The following TERF1 variants were observed in gnomAD, a reference collection of about 807,000 sequenced individuals.
TERF1 encodes telomeric repeat binding factor 1.
In TERF1, 20 loss-of-function variants were observed where a neutral mutation model predicts 55.1. The observed-to-expected ratio is 0.36, with a 90% CI of 0.26 to 0.53. The LOEUF (loss-of-function observed/expected upper bound fraction) is 0.53, where lower values mean the gene tolerates loss of function less well. Among genes scored for constraint, TERF1 ranks in the 20% least tolerant of loss-of-function variants. The probability of loss-of-function intolerance (pLI) is 0.91; values close to 1 mark genes in which losing one functional copy is unlikely to be tolerated. For missense variants in TERF1, 439 were observed against 535.7 expected, an observed-to-expected ratio of 0.82 and a Z score of 1.78; for synonymous variants, 168 against 181.2, an observed-to-expected ratio of 0.93 and a Z score of 0.59.
intron 8 of TERF1, among the ~76,000 whole-genome samples, chr8:73,036,610 G>A (rs1203178219): frequency 6.6e-6 from 1 of 151,106 alleles, no homozygotes. Context: ...CGCCCCCACA[G>A]CAGGGATACC....
intron 9 of TERF1, among the ~76,000 whole-genome samples, 162 bp downstream of exon 9, chr8:73,039,381 AT>A (rs1809739439): frequency 6.6e-6 from 1 of 152,206 alleles, no homozygotes; most frequent in African/African-American, 2.4e-5. Context: ...TAATCAGCCT[AT>A]TCAAAATGAA....
chr8:73,044,625 G>A (rs1809964164), intron 9 of TERF1, among the ~76,000 whole-genome samples: 1 of 151,482 alleles, frequency 6.6e-6, no homozygotes, highest in South Asian at 2.1e-4. Context: ...TATTCATATT[G>A]TGCTACCATC....
chr8:73,028,145 A>G (rs1346124399), intron 6 of TERF1, among the ~76,000 whole-genome samples: 1 of 152,232 alleles, frequency 6.6e-6, no homozygotes, highest in African/African-American at 2.4e-5. Context: ...CATCCTGCTC[A>G]TGATAATATT....
intron 8 of TERF1, among the ~76,000 whole-genome samples, chr8:73,036,463 A>G (rs2129870365): frequency 6.6e-6 from 1 of 152,298 alleles, no homozygotes; most frequent in East Asian, 1.9e-4. Flanking sequence ...ATTGTTAACA[A>G]TAGATGATTT....
At chr8:73,009,708 C>T (rs1203509145) in intron 1 of TERF1, 6 of 153,426 alleles carry the variant, frequency 3.9e-5, no homozygotes, top group African/African-American at 1.2e-4. Flanking sequence ...CAAGTCCCAG[C>T]TACTTGGGAG....
At chr8:73,043,367 A>G (rs1232908958) in intron 9 of TERF1, 1 of 152,228 alleles carries the variant, frequency 6.6e-6, no homozygotes, top group East Asian at 1.9e-4. Flanking sequence ...GAAGAAAAAA[A>G]TAAAATACTT....
chr8:73,015,154 T>G (rs1808445075), intron 2 of TERF1, among the ~76,000 whole-genome samples: 1 of 152,154 alleles, frequency 6.6e-6, no homozygotes, highest in Admixed American at 6.5e-5. Flanking sequence ...TCTCATGGTT[T>G]AATCTTGGAA....
At chr8:73,010,226 G>C (rs1197339845) in intron 1 of TERF1, 2 of 152,152 alleles carry the variant, frequency 1.3e-5, no homozygotes, top group African/African-American at 4.8e-5. Context: ...CTGTGAGTTA[G>C]GCAAATAATC....
rs1482097664 is a variant in TERF1, at chr8:73,037,772, A to G, written c.1040-1344A>G. ...TATATATAATATTATATAGTATAATATATATATTATATATAATATATAGTA... is the reference window on the plus strand; with the variant it reads ...TATATATAATATTATATAGTATAATGTATATATTATATATAATATATAGTA... On this transcript the variant is annotated intron_variant, in intron 8 of 9. Coordinates refer to ENST00000276603, the MANE Select transcript of TERF1 (RefSeq NM_017489.3). Among the ~76,000 whole-genome samples, 3 of 48,844 alleles carry G rather than the reference A, an allele frequency of 6.1e-5. No individual in the cohort carries two copies. The East Asian group carries it at 9.1e-4, about 15-fold the overall frequency. 32.0% of individuals were successfully genotyped at this position (48,844 alleles called of 152,430 possible). A position where few individuals can be genotyped will look rare whatever the true frequency, so the allele number is the denominator to read the frequency against.
chr8:73,030,522 C>A, intron 7 of TERF1, 127 bp downstream of exon 7: 132 of 535,150 alleles, frequency 2.5e-4, no homozygotes, highest in East Asian at 5.9e-4. Context: ...CTAGTTAGCC[C>A]AACAGATAGT....
At chr8:73,014,726 A>G (rs1033662640) in intron 2 of TERF1, among the ~76,000 whole-genome samples, 13 of 152,244 alleles carry the variant, frequency 8.5e-5, no homozygotes, top group African/African-American at 2.9e-4. Context: ...CTGCTTGCTT[A>G]TTGAAGTGTT....
intron 9 of TERF1, among the ~76,000 whole-genome samples, chr8:73,044,892 A>G (rs1397423986): frequency 1.3e-5 from 2 of 152,084 alleles, no homozygotes; most frequent in Admixed American, 6.6e-5. Context: ...TATAAGTATA[A>G]TATATAATAT....
intron 3 of TERF1, among the ~76,000 whole-genome samples, chr8:73,021,817 C>G (rs1218663551): frequency 6.6e-6 from 1 of 152,186 alleles, no homozygotes. Context: ...AGGGATCTGA[C>G]TAGCAAATTT....
intron 8 of TERF1, among the ~76,000 whole-genome samples, chr8:73,033,672 G>A (rs1809392927): frequency 6.6e-6 from 1 of 152,126 alleles, no homozygotes; most frequent in Admixed American, 6.5e-5. Flanking sequence ...GGAGGTGGAG[G>A]TTGCACTCCA....
At chr8:73,041,016 C>T (rs1158709820) in intron 9 of TERF1, among the ~76,000 whole-genome samples, 2 of 152,082 alleles carry the variant, frequency 1.3e-5, no homozygotes. Context: ...CCACTTTTTC[C>T]ATTAAATCCT....
At chr8:73,012,964 T>C in intron 1 of TERF1, 1 of 455,820 alleles carries the variant, frequency 2.2e-6, no homozygotes, top group Non-Finnish European at 4.4e-6. Flanking sequence ...TTAAATTCTA[T>C]ATAAATTTTG....
chr8:73,037,709 T>TAA (rs1563471902), intron 8 of TERF1, among the ~76,000 whole-genome samples: 1 of 84,856 alleles, frequency 1.2e-5, no homozygotes, highest in African/African-American at 5.3e-5. Flanking sequence ...TAATATTATA[T>TAA]TATATATAAT....
intron 8 of TERF1, among the ~76,000 whole-genome samples, chr8:73,032,619 T>A (rs1223388855): frequency 6.6e-6 from 1 of 151,876 alleles, no homozygotes; most frequent in African/African-American, 2.4e-5. Context: ...GTACTCTTAA[T>A]AATGTTCACA....
intron 8 of TERF1, among the ~76,000 whole-genome samples, chr8:73,032,558 C>T (rs1030187337): frequency 2.0e-5 from 3 of 150,060 alleles, no homozygotes; most frequent in African/African-American, 7.4e-5. Flanking sequence ...GTACTGGGAA[C>T]CGTGGGTTTT....
Sources: gnomAD v4.1 joint callset for allele counts (sites outside exome capture counted in the v4.1 genomes callset) on GRCh38, gnomAD v4.1.1 for gene constraint, MANE v1.5 for transcripts, NCBI Gene and HGNC (gene_info 2026-07-23, HGNC 2026-07-21) for gene names.